Variants in CAST observed in about 807,000 individuals in gnomAD.
The protein encoded by CAST is calpastatin, also known as MIR583 host.
Under a neutral mutation model 119.6 loss-of-function variants are expected in CAST, and 76 were observed. The observed-to-expected ratio is 0.64, with a 90% CI of 0.53 to 0.77. The LOEUF is 0.77. Ranked by LOEUF, CAST falls within the 30% of genes least tolerant of loss-of-function variation. The probability of loss-of-function intolerance (pLI) is 0.00; values close to 1 mark genes in which losing one functional copy is unlikely to be tolerated. For missense variants in CAST, 953 were observed against 946.5 expected (o/e 1.01, Z -0.09); for synonymous variants, 319 against 331.6 (o/e 0.96, Z 0.41).
the CAST span, among the ~76,000 whole-genome samples, chr5:96,260,263 C>T: frequency 1.3e-5 from 2 of 152,104 alleles, no homozygotes. Flanking sequence ...TCTCTAAAAC[C>T]GGAGAGCAAG....
At chr5:96,061,666 T>TGC in the CAST span, among the ~76,000 whole-genome samples, 400 of 135,690 alleles carry the variant, frequency 2.9e-3, 1 homozygote, top group African/African-American at 9.3e-3. Context: ...TGTGTGTGTG[T>TGC]GCGTGTGTGT....
chr5:96,091,351 C>T, the CAST span, among the ~76,000 whole-genome samples: 14 of 151,510 alleles, frequency 9.2e-5, no homozygotes, highest in East Asian at 2.0e-4. Flanking sequence ...TACAGTCACG[C>T]GCCACCATGC....
At chr5:96,183,910 T>C in the CAST span, among the ~76,000 whole-genome samples, 13 of 152,226 alleles carry the variant, frequency 8.5e-5, no homozygotes, top group Admixed American at 3.9e-4. Flanking sequence ...TGGATTTAGC[T>C]GGAGTTATGA....
intron 1 of CAST, among the ~76,000 whole-genome samples, chr5:96,614,950 T>G (rs954102548): frequency 6.6e-6 from 1 of 152,198 alleles, no homozygotes; most frequent in Non-Finnish European, 1.5e-5. Flanking sequence ...GAGCTGTGAG[T>G]AGGCTTTAGC....
At chr5:96,291,848 G>GTGTGTGTA in the CAST span, among the ~76,000 whole-genome samples, 1 of 133,168 alleles carries the variant, frequency 7.5e-6, no homozygotes, top group Non-Finnish European at 1.5e-5. Context: ...GTCTGCGTGT[G>GTGTGTGTA]TGTGTGTGTG....
chr5:96,349,137 C>CTTTTTTTTTTTTTTTTTTTTTTTT, the CAST span, among the ~76,000 whole-genome samples: 2 of 31,320 alleles, frequency 6.4e-5, no homozygotes, highest in African/African-American at 1.8e-4. Context: ...AACAAGGACA[C>CTTTTTTTTTTTTTTTTTTTTTTTT]TATTTTTTTT....
the CAST span, among the ~76,000 whole-genome samples, chr5:96,150,337 G>C: frequency 6.6e-6 from 1 of 152,212 alleles, no homozygotes; most frequent in Non-Finnish European, 1.5e-5. Flanking sequence ...TGAGGAGAAG[G>C]CTTAGCGTTC....
chr5:96,223,282 A>G, the CAST span, among the ~76,000 whole-genome samples: 2 of 152,304 alleles, frequency 1.3e-5, no homozygotes, highest in South Asian at 2.1e-4. Flanking sequence ...TTGAAATGTT[A>G]CCAACACAAA....
At chr5:96,325,514 C>T in the CAST span, among the ~76,000 whole-genome samples, 1 of 150,438 alleles carries the variant, frequency 6.6e-6, no homozygotes, top group African/African-American at 2.5e-5. Context: ...GAGACTCGCT[C>T]TGTTGCCCAG....
the CAST span, among the ~76,000 whole-genome samples, chr5:96,271,908 A>G: frequency 6.6e-6 from 1 of 152,234 alleles, no homozygotes; most frequent in Non-Finnish European, 1.5e-5. Flanking sequence ...AAACAACCCA[A>G]TAGCAAAAAA....
At chr5:96,643,699 C>A (rs765188535) in intron 1 of CAST, among the ~76,000 whole-genome samples, 1 of 152,108 alleles carries the variant, frequency 6.6e-6, no homozygotes, top group African/African-American at 2.4e-5. Context: ...ATGGTGAAAC[C>A]TTGTCTCTAC....
At chr5:96,616,008 G>C (rs139383608) in intron 1 of CAST, among the ~76,000 whole-genome samples, 15 of 152,252 alleles carry the variant, frequency 9.9e-5, no homozygotes, top group East Asian at 7.7e-4. Flanking sequence ...AGGCTAGGAG[G>C]CTAGGCCAGT....
chr5:95,996,138 T>G, the CAST span, among the ~76,000 whole-genome samples: 5 of 152,252 alleles, frequency 3.3e-5, no homozygotes, highest in South Asian at 8.3e-4. Flanking sequence ...GAAACCAGTC[T>G]GACGCACTGA....
chr5:96,232,058 G>A, the CAST span, among the ~76,000 whole-genome samples: 1 of 152,150 alleles, frequency 6.6e-6, no homozygotes, highest in Non-Finnish European at 1.5e-5. Flanking sequence ...AAATATTGGA[G>A]ATTCAATATA....
chr5:96,631,721 AT>A (rs1299174646), intron 1 of CAST, among the ~76,000 whole-genome samples: 1 of 151,364 alleles, frequency 6.6e-6, no homozygotes, highest in Admixed American at 6.6e-5. Flanking sequence ...TTTAGTAGAG[AT>A]GGGGTTTCAC....
chr5:96,196,700 G>A, the CAST span, among the ~76,000 whole-genome samples: 1 of 152,162 alleles, frequency 6.6e-6, no homozygotes, highest in African/African-American at 2.4e-5. Context: ...GATACAAGAT[G>A]AGGTCAAAAA....
chr5:96,579,065 C>T (rs1256542506), intron 1 of CAST, among the ~76,000 whole-genome samples: 1 of 152,184 alleles, frequency 6.6e-6, no homozygotes, highest in Admixed American at 6.5e-5. Context: ...AGGAAGAACT[C>T]AGGTCTCAGG....
At chr5:96,010,164 T>G in the CAST span, among the ~76,000 whole-genome samples, 1 of 152,224 alleles carries the variant, frequency 6.6e-6, no homozygotes, top group Non-Finnish European at 1.5e-5. Flanking sequence ...GTCTGTTTTT[T>G]GTATAAGCAC....
At chr5:96,505,444 A>C in the CAST span, among the ~76,000 whole-genome samples, 2 of 152,112 alleles carry the variant, frequency 1.3e-5, no homozygotes, top group Non-Finnish European at 2.9e-5. Context: ...CCGCCACTGC[A>C]CTCCAGCCTG....
Sources: allele counts gnomAD v4.1 joint callset (sites outside exome capture counted in the v4.1 genomes callset), GRCh38; gene constraint gnomAD v4.1.1; transcripts MANE v1.5; gene names NCBI Gene and HGNC (gene_info 2026-07-23, HGNC 2026-07-21).